Variants in MYL4 observed in about 807,000 individuals in gnomAD.
MYL4 encodes myosin light chain 4.
MYL4 carries 16 observed loss-of-function variants against 21.6 expected under a neutral mutation model. The ratio of observed to expected loss-of-function variants is 0.74; its 90% CI spans 0.50 to 1.12. The LOEUF is 1.12. Ranked by LOEUF, MYL4 falls within the 50% of genes most tolerant of loss-of-function variation. The probability of loss-of-function intolerance (pLI) is 0.00; values close to 1 mark genes in which losing one functional copy is unlikely to be tolerated. For missense variants in MYL4, 249 were observed against 252.9 expected (o/e 0.98, Z 0.11); for synonymous variants, 82 against 95.7 (o/e 0.86, Z 0.83).
At chr17:47,216,550 A>G (rs964302478) in intron 2 of MYL4, among the ~76,000 whole-genome samples, 1 of 152,094 alleles carries the variant, frequency 6.6e-6, no homozygotes, top group Non-Finnish European at 1.5e-5. Context: ...TTTTTTCATA[A>G]AGATTAATAA....
chr17:47,211,885 T>TG (rs1172929238), intron 1 of MYL4, among the ~76,000 whole-genome samples: 1 of 150,926 alleles, frequency 6.6e-6, no homozygotes, highest in East Asian at 1.9e-4. Flanking sequence ...TGGGGTGGGG[T>TG]GGGGTGCATA....
chr17:47,212,443 A>G (rs2064783075), intron 1 of MYL4, among the ~76,000 whole-genome samples: 1 of 152,262 alleles, frequency 6.6e-6, no homozygotes, highest in African/African-American at 2.4e-5. Flanking sequence ...AAGGAGACAG[A>G]GTGCACGTAA....
upstream of MYL4, among the ~76,000 whole-genome samples, chr17:47,198,725 G>A (rs549019416): frequency 1.3e-5 from 2 of 152,156 alleles, no homozygotes; most frequent in Admixed American, 6.5e-5. Flanking sequence ...AGTAGCTCAC[G>A]CCTGTGATCC....
intron 5 of MYL4, among the ~76,000 whole-genome samples, chr17:47,222,810 T>C (rs940405477): frequency 2.6e-5 from 4 of 152,040 alleles, no homozygotes; most frequent in East Asian, 1.9e-4. Flanking sequence ...AGAATCAGCA[T>C]AGAGAGTGGG....
downstream of MYL4, among the ~76,000 whole-genome samples, chr17:47,226,192 G>A (rs561575233): frequency 6.6e-6 from 1 of 152,280 alleles, no homozygotes; most frequent in African/African-American, 2.4e-5. Flanking sequence ...GGGATAAATA[G>A]AGAATGATCC....
chr17:47,220,784 G>A (rs530059529), intron 3 of MYL4, among the ~76,000 whole-genome samples: 1 of 152,310 alleles, frequency 6.6e-6, no homozygotes, highest in East Asian at 1.9e-4. Flanking sequence ...TGCCAGTCAA[G>A]TTAACAGCTG....
chr17:47,207,868 T>C (rs183795931), upstream of MYL4, among the ~76,000 whole-genome samples: 128 of 152,314 alleles, frequency 8.4e-4, 1 homozygote, highest in African/African-American at 3.0e-3. Context: ...CTCCCACCCT[T>C]ACCCCCTAGG....
chr17:47,225,855 C>CTT (rs60342000), downstream of MYL4, among the ~76,000 whole-genome samples: 1,565 of 113,120 alleles, frequency 0.014, 18 homozygotes, highest in Admixed American at 0.026. Flanking sequence ...TCCTTCCCTT[C>CTT]TTTTTTTTTT....
At chr17:47,220,447 C>T (rs548686689) in intron 3 of MYL4, among the ~76,000 whole-genome samples, 6 of 152,162 alleles carry the variant, frequency 3.9e-5, no homozygotes, top group Non-Finnish European at 7.3e-5. Flanking sequence ...TGGTGGCCAT[C>T]GCGAGCTGTA....
chr17:47,199,232 C>G (rs1364785360), upstream of MYL4, among the ~76,000 whole-genome samples: 1 of 146,960 alleles, frequency 6.8e-6, no homozygotes, highest in Non-Finnish European at 1.5e-5. Flanking sequence ...CAGAGCAAGA[C>G]TCTGTCTCAA....
At chr17:47,199,746 T>C (rs2064702983), upstream of MYL4, among the ~76,000 whole-genome samples, 1 of 148,108 alleles carries the variant, frequency 6.8e-6, no homozygotes, top group African/African-American at 2.5e-5. Context: ...TCTTTTTTTT[T>C]TTTTTTTTTT....
chr17:47,199,737 C>CTTTTTT (rs33975035), upstream of MYL4, among the ~76,000 whole-genome samples: 3 of 101,278 alleles, frequency 3.0e-5, no homozygotes, highest in South Asian at 3.9e-4. Flanking sequence ...GTAGTAAAGT[C>CTTTTTT]TTTTTTTTTT....
intron 2 of MYL4, among the ~76,000 whole-genome samples, chr17:47,218,509 G>A (rs971256006): frequency 2.0e-5 from 3 of 152,278 alleles, no homozygotes; most frequent in Non-Finnish European, 2.9e-5. Context: ...AATTGGGCCC[G>A]GGTATGATGG....
At chr17:47,203,335 ATTTCT>A in intron 1 of MYL4, among the ~76,000 whole-genome samples, 1 of 151,538 alleles carries the variant, frequency 6.6e-6, no homozygotes, top group Non-Finnish European at 1.5e-5. Flanking sequence ...TATGTTTTCT[ATTTCT>A]TTGCCCTCTT....
chr17:47,220,126 C>G, intron 3 of MYL4, 73 bp downstream of exon 3: 1 of 1,484,464 alleles, frequency 6.7e-7, no homozygotes, highest in Non-Finnish European at 9.0e-7. Flanking sequence ...TTGTCCAGAT[C>G]TTCTCTGCCA....
At chr17:47,222,308 G>C (rs190991482) in intron 4 of MYL4, 72 bp from the exon 5 acceptor site, 1 of 1,399,520 alleles carries the variant, frequency 7.1e-7, no homozygotes, top group East Asian at 2.3e-5. Flanking sequence ...ACTTAAGGGG[G>C]TACTTGGGTA....
chr17:47,204,832 A>T (rs2064721788), upstream of MYL4, among the ~76,000 whole-genome samples: 1 of 152,096 alleles, frequency 6.6e-6, no homozygotes, highest in Admixed American at 6.6e-5. Context: ...GTGAAACCCA[A>T]ATTACCCAGT....
rs1216360259 is a variant in MYL4 at position 47,220,015 on chromosome 17, C to A, written c.275C>A (p.Ala92Asp). The A allele has an allele frequency of 1.2e-6, 2 of 1,614,150 alleles. No homozygotes were observed. Among genetic ancestry groups the A allele is most frequent in the Non-Finnish European group, 1.7e-6 (2 of 1,179,992 alleles). Residue 92 changes from alanine (A) to aspartate (D), a missense_variant, in exon 3 of 7, where the codon GCC (alanine) becomes GAC (aspartate). Transcript: ENST00000393450. ...GCCCTGGGCCAGAACCCTACCAATGCCGAGGTGCTGCGTGTGCTGGGCAAG... is the reference window on the plus strand; with the variant it reads ...GCCCTGGGCCAGAACCCTACCAATGACGAGGTGCTGCGTGTGCTGGGCAAG... ...LRALGQNPTN[A>D]EVLRVLGKPK...
chr17:47,194,815 A>C, the MYL4 span, among the ~76,000 whole-genome samples: 1 of 151,766 alleles, frequency 6.6e-6, no homozygotes, highest in Non-Finnish European at 1.5e-5. Flanking sequence ...TTGGAAGCTT[A>C]CTGTAGCCTT....
Sources: gnomAD v4.1 joint callset for allele counts (sites outside exome capture counted in the v4.1 genomes callset) on GRCh38, gnomAD v4.1.1 for gene constraint, MANE v1.5 for transcripts, NCBI Gene and HGNC (gene_info 2026-07-23, HGNC 2026-07-21) for gene names.